NOL4: variants seen among roughly 807,000 people sequenced by gnomAD.
NOL4 encodes the protein nucleolar protein 4.
In NOL4, 17 loss-of-function variants were observed where a neutral mutation model predicts 75.9. The observed-to-expected ratio is 0.22, with a 90% CI of 0.15 to 0.34. NOL4 has a LOEUF of 0.34. Ranked by LOEUF, NOL4 falls within the 10% of genes least tolerant of loss-of-function variation. NOL4 has a pLI of 1.00. For missense variants in NOL4, 614 were observed against 793.5 expected (o/e 0.77, Z 2.72); for synonymous variants, 292 against 289.9 (o/e 1.01, Z -0.07).
intron 5 of NOL4, among the ~76,000 whole-genome samples, chr18:34,083,023 G>C (rs935033431): frequency 2.0e-5 from 3 of 151,940 alleles, no homozygotes; most frequent in African/African-American, 7.3e-5. Flanking sequence ...CAAAACCTCA[G>C]GAAATATTTT....
intron 5 of NOL4, among the ~76,000 whole-genome samples, chr18:34,067,875 G>A (rs894980494): frequency 1.3e-5 from 2 of 151,934 alleles, no homozygotes; most frequent in African/African-American, 4.8e-5. Flanking sequence ...TGGTTTGGGG[G>A]GTGGGTCTGG....
At chr18:34,015,066 G>A (rs1341847877) in intron 6 of NOL4, among the ~76,000 whole-genome samples, 1 of 152,006 alleles carries the variant, frequency 6.6e-6, no homozygotes, top group Non-Finnish European at 1.5e-5. Context: ...TCACACAGAA[G>A]TGATGGAACA....
chr18:34,101,307 T>C (rs1266142243), intron 4 of NOL4, among the ~76,000 whole-genome samples: 1 of 152,158 alleles, frequency 6.6e-6, no homozygotes, highest in Admixed American at 6.5e-5. Context: ...AGGGGCCATG[T>C]AGAAATTCAC....
chr18:34,000,828 C>A (rs1406222145), intron 6 of NOL4, among the ~76,000 whole-genome samples: 1 of 152,018 alleles, frequency 6.6e-6, no homozygotes, highest in East Asian at 1.9e-4. Flanking sequence ...ACATAAAATG[C>A]TAATTTCTAT....
chr18:34,046,602 T>C (rs947459753), intron 5 of NOL4, among the ~76,000 whole-genome samples: 2 of 32,100 alleles, frequency 6.2e-5, no homozygotes, highest in African/African-American at 2.1e-4. Flanking sequence ...TACTATTTAC[T>C]TATACATATA....
chr18:33,853,574 C>G (rs1223766923), intron 10 of NOL4, among the ~76,000 whole-genome samples: 1 of 152,006 alleles, frequency 6.6e-6, no homozygotes, highest in East Asian at 1.9e-4. Flanking sequence ...GTGGCACAAC[C>G]AGGACTTGAC....
At chr18:34,185,818 A>G (rs1431345253) in intron 1 of NOL4, among the ~76,000 whole-genome samples, 9 of 152,142 alleles carry the variant, frequency 5.9e-5, no homozygotes, top group Admixed American at 5.2e-4. Flanking sequence ...CTCCTACTTC[A>G]CCAAAGAGAT....
chr18:33,855,196 TA>T (rs934444122), intron 10 of NOL4, among the ~76,000 whole-genome samples: 12 of 152,002 alleles, frequency 7.9e-5, no homozygotes, highest in African/African-American at 2.2e-4. Flanking sequence ...GGAATCAAGC[TA>T]AAATAAAAAT....
chr18:34,048,530 T>G lies in NOL4; in HGVS notation c.773-28929A>C, dbSNP rs1395485850. ...AGCATCCCTCAGGCGAGGTCCAACCTTTCTCTCGAAGTGCACCCAGGGATT... is the reference window on the plus strand; with the variant it reads ...AGCATCCCTCAGGCGAGGTCCAACCGTTCTCTCGAAGTGCACCCAGGGATT... On this transcript the variant is annotated intron_variant, in intron 5 of 10. Transcript: ENST00000261592. 3.0e-6 allele frequency: 3 copies of G among 985,472 alleles called. No homozygotes were observed. The East Asian group carries it at 3.4e-4, about 112-fold the overall frequency. The allele number at this position is 985,472 out of a possible 1,614,324, so 61.0% of individuals were successfully genotyped here.
chr18:34,070,447 T>G (rs2077465769), intron 5 of NOL4, among the ~76,000 whole-genome samples: 1 of 152,228 alleles, frequency 6.6e-6, no homozygotes, highest in African/African-American at 2.4e-5. Context: ...ACTTTGCCTC[T>G]TCTCATTTGT....
intron 6 of NOL4, among the ~76,000 whole-genome samples, chr18:33,964,055 T>C (rs2070372228): frequency 6.6e-6 from 1 of 152,212 alleles, no homozygotes; most frequent in South Asian, 2.1e-4. Context: ...TGCATATCTA[T>C]GTCACAGCAG....
intron 5 of NOL4, among the ~76,000 whole-genome samples, chr18:34,067,435 G>T (rs900569442): frequency 1.3e-5 from 2 of 152,118 alleles, no homozygotes; most frequent in African/African-American, 4.8e-5. Flanking sequence ...AGTCTTAAAA[G>T]AATCATCGGG....
intron 5 of NOL4, among the ~76,000 whole-genome samples, chr18:34,034,865 C>T (rs959469714): frequency 6.6e-5 from 10 of 151,822 alleles, no homozygotes; most frequent in African/African-American, 2.4e-4. Flanking sequence ...CAAAGAAGGT[C>T]ATTATGTAAT....
chr18:34,142,725 A>T (rs905874657), intron 1 of NOL4, among the ~76,000 whole-genome samples: 5 of 152,166 alleles, frequency 3.3e-5, no homozygotes, highest in African/African-American at 1.2e-4. Flanking sequence ...AGATAAATCT[A>T]ATGTAAATGA....
chr18:33,958,958 T>C (rs571100816), intron 6 of NOL4, among the ~76,000 whole-genome samples: 1 of 152,286 alleles, frequency 6.6e-6, no homozygotes, highest in African/African-American at 2.4e-5. Flanking sequence ...CAAAATATTA[T>C]TGACTATTAG....
intron 5 of NOL4, among the ~76,000 whole-genome samples, chr18:34,026,801 G>A (rs980701629): frequency 6.6e-6 from 1 of 152,020 alleles, no homozygotes; most frequent in Non-Finnish European, 1.5e-5. Context: ...CAGTAACAGT[G>A]GTATTAAGGG....
intron 6 of NOL4, chr18:34,001,746 T>G (rs2073727555): frequency 1.3e-5 from 2 of 152,674 alleles, no homozygotes; most frequent in African/African-American, 4.8e-5. Flanking sequence ...AATAAAGAAA[T>G]CTGTAACTGT....
intron 4 of NOL4, among the ~76,000 whole-genome samples, chr18:34,097,913 C>A (rs1325228733): frequency 1.3e-5 from 2 of 152,114 alleles, no homozygotes; most frequent in African/African-American, 2.4e-5. Context: ...CGAGTTTAAA[C>A]CCTCACCAAC....
At chr18:34,131,072 CG>C (rs2076218933) in intron 1 of NOL4, among the ~76,000 whole-genome samples, 1 of 107,896 alleles carries the variant, frequency 9.3e-6, no homozygotes, top group African/African-American at 3.7e-5. Flanking sequence ...ACACATACAC[CG>C]ACACACACAC....
Sources: gnomAD v4.1 joint callset for allele counts (sites outside exome capture counted in the v4.1 genomes callset) on GRCh38, gnomAD v4.1.1 for gene constraint, MANE v1.5 for transcripts, NCBI Gene and HGNC (gene_info 2026-07-23, HGNC 2026-07-21) for gene names.